The following PCDHGA12 variants were observed in gnomAD, a reference collection of about 807,000 sequenced individuals.
PCDHGA12 encodes the protein protocadherin gamma subfamily A, 12.
In PCDHGA12, 43 loss-of-function variants were observed where a neutral mutation model predicts 61.1. The ratio of observed to expected loss-of-function variants is 0.70; its 90% CI spans 0.55 to 0.91. The LOEUF (loss-of-function observed/expected upper bound fraction) is 0.91, where lower values mean the gene tolerates loss of function less well. Among genes scored for constraint, PCDHGA12 ranks in the 40% least tolerant of loss-of-function variants. PCDHGA12 has a pLI of 0.00. For missense variants in PCDHGA12, 1,236 were observed against 1,227.7 expected (o/e 1.01, Z -0.10); for synonymous variants, 520 against 542.9 (o/e 0.96, Z 0.59).
intron 1 of PCDHGA12, among the ~76,000 whole-genome samples, chr5:141,456,288 G>A (rs371687260): frequency 1.4e-3 from 217 of 152,226 alleles, no homozygotes; most frequent in Middle Eastern, 6.8e-3. Context: ...GAAAAGGGGC[G>A]TCTAATGGAG....
intron 1 of PCDHGA12, among the ~76,000 whole-genome samples, chr5:141,483,767 T>C (rs2099586826): frequency 6.6e-6 from 1 of 151,840 alleles, no homozygotes; most frequent in Non-Finnish European, 1.5e-5. Flanking sequence ...CTTGGAAAAA[T>C]ATTGGGGAAG....
In PCDHGA12 at chr5:141,511,032, G is replaced by A; in HGVS notation, c.2658G>A (p.Gln886=). 1.2e-6 allele frequency: 2 copies of A among 1,614,228 alleles called. No homozygotes were observed. The highest frequency in any genetic ancestry group is 2.2e-5 in the East Asian group (1 of 44,888). The change falls in exon 4 of 4, where the codon CAG becomes CAA. Residue 886 remains glutamine, a synonymous_variant. Transcript: ENST00000252085. Reference sequence around the variant, plus strand: ...GCTACGGACCCCAGTTCACCCTGCAGCACGTGCCCGACTACCGCCAGAATG... The same window carrying A: ...GCTACGGACCCCAGTTCACCCTGCAACACGTGCCCGACTACCGCCAGAATG... ...SARYGPQFTL[Q]HVPDYRQNVY...
At chr5:141,496,948 G>A (rs2099772844) in intron 2 of PCDHGA12, among the ~76,000 whole-genome samples, 1 of 151,826 alleles carries the variant, frequency 6.6e-6, no homozygotes, top group Admixed American at 6.6e-5. Context: ...CACTTTGGGA[G>A]GCCAAGGTGG....
intron 2 of PCDHGA12, among the ~76,000 whole-genome samples, chr5:141,496,839 AG>A (rs2099771805): frequency 1.3e-5 from 2 of 151,484 alleles, no homozygotes; most frequent in African/African-American, 4.9e-5. Context: ...CAGAACTCAT[AG>A]GCTTCCAGAC....
chr5:141,477,890 C>A lies in PCDHGA12; in HGVS notation c.2425-16917C>A, dbSNP rs202114426. On this transcript the variant is annotated intron_variant, in intron 1 of 3. Transcript: ENST00000252085. This position sits in a 1 kb window ranked among gnomAD's most constrained non-coding sequence, Gnocchi z 4.9. ...TACCTCAGCTGGCCACCTAGTGTCA[C>A]GGGTGGTAGGCTGGGACGCGGATGC... is the stretch of plus-strand genomic sequence containing the variant. 3.1e-6 allele frequency: 5 copies of A among 1,614,204 alleles called. 1 individual carries two copies. In the Admixed American group the frequency reaches 8.3e-5, roughly 27 times the overall value.
chr5:141,489,080 C>CCCA lies in PCDHGA12; in HGVS notation c.2425-5727_2425-5726insCCA. On this transcript the variant is annotated intron_variant, in intron 1 of 3. Coordinates refer to ENST00000252085, the MANE Select transcript of PCDHGA12 (RefSeq NM_003735.3). This position sits in a 1 kb window ranked among gnomAD's most constrained non-coding sequence, Gnocchi z 4.5. ...TCCCCTCCCCCCTGCCCACCCCCGC[C>CCCA]ACTCGGTGACTAAGAACTGCTGCAA... 3.0e-6 allele frequency: 1 copy of CCCA among 336,172 alleles called. No individual in the cohort carries two copies. The highest frequency in any genetic ancestry group is 5.5e-5 in the East Asian group (1 of 18,342). 20.8% of individuals were successfully genotyped at this position (336,172 alleles called of 1,614,324 possible).
intron 3 of PCDHGA12, 31 bp downstream of exon 3, chr5:141,505,512 T>C (rs754223095): frequency 6.2e-7 from 1 of 1,613,676 alleles, no homozygotes; most frequent in South Asian, 1.1e-5. Context: ...TATGGAAGAG[T>C]GGGAGACCTG....
chr5:141,476,864 C>T lies in PCDHGA12; in HGVS notation c.2425-17943C>T, dbSNP rs1318457627. ...GCCTGTCTTCAACCAGTCCTTGTAC[C>T]GGGCGCGCGTCCTGGAGGATGCACC... is the stretch of plus-strand genomic sequence containing the variant. On this transcript the variant is annotated intron_variant, in intron 1 of 3. Coordinates refer to ENST00000252085, the MANE Select transcript of PCDHGA12 (RefSeq NM_003735.3). This position sits in a 1 kb window ranked among gnomAD's most constrained non-coding sequence, Gnocchi z 7.6. 4.3e-6 allele frequency: 7 copies of T among 1,613,838 alleles called. No homozygotes were observed. Among genetic ancestry groups the T allele is most frequent in the Non-Finnish European group, 5.9e-6 (7 of 1,180,044 alleles).
At chr5:141,442,006 G>T (rs540427406) in intron 1 of PCDHGA12, 2 of 229,074 alleles carry the variant, frequency 8.7e-6, no homozygotes, top group South Asian at 4.9e-5. Flanking sequence ...CTGACAGCTC[G>T]CACGATGGGC....
intron 1 of PCDHGA12, among the ~76,000 whole-genome samples, chr5:141,435,885 C>T (rs2097784639): frequency 6.6e-6 from 1 of 152,088 alleles, no homozygotes; most frequent in Non-Finnish European, 1.5e-5. Context: ...TTGGAAACCC[C>T]TTAGAGAATG....
At position 141,492,138 on chromosome 5, in the gene PCDHGA12, T is replaced by C. The variant is rs577884713; in HGVS notation, c.2425-2669T>C. ...ATTTCTCCCCAGCTCCCAGCATCTG[T>C]GACTTCACTGTTACCCTCCCTATCC... On this transcript the variant is annotated intron_variant, in intron 1 of 3. Coordinates refer to ENST00000252085, the MANE Select transcript of PCDHGA12 (RefSeq NM_003735.3). 2.4e-3 allele frequency among the ~76,000 whole-genome samples: 366 copies of C among 152,312 alleles called. 1 individual carries two copies. Among genetic ancestry groups the C allele is most frequent in the Non-Finnish European group, 3.5e-3 (238 of 68,014 alleles).
intron 1 of PCDHGA12, chr5:141,478,333 G>T: frequency 6.2e-7 from 1 of 1,613,928 alleles, no homozygotes; most frequent in Non-Finnish European, 8.5e-7. Context: ...GAACACCAGG[G>T]CCCTCCTTGC....
rs369940443 is a variant in PCDHGA12, at chr5:141,477,841, C to G, written c.2425-16966C>G. 6.2e-7 allele frequency: 1 copy of G among 1,613,308 alleles called. No individual in the cohort carries two copies. The highest frequency in any genetic ancestry group is 1.3e-5 in the African/African-American group (1 of 74,700). On this transcript the variant is annotated intron_variant, in intron 1 of 3. Coordinates refer to ENST00000252085, the MANE Select transcript of PCDHGA12 (RefSeq NM_003735.3). The surrounding 1 kb of genome is among the most constrained non-coding windows in gnomAD (Gnocchi z 4.9). ...TCCTATATCCTCGGCCAGGTGGGAG[C>G]TCGGTGGAGATGCTGCCTCGAGGTA...
intron 1 of PCDHGA12, among the ~76,000 whole-genome samples, chr5:141,437,431 A>G (rs1282194918): frequency 6.6e-6 from 1 of 152,234 alleles, no homozygotes; most frequent in African/African-American, 2.4e-5. Flanking sequence ...TGAAGCAGCA[A>G]TAGCATAGGA....
intron 1 of PCDHGA12, among the ~76,000 whole-genome samples, chr5:141,492,876 G>A (rs2099744774): frequency 6.6e-6 from 1 of 152,184 alleles, no homozygotes; most frequent in African/African-American, 2.4e-5. Context: ...TCAACCCCCA[G>A]AGATACAGGC....
chr5:141,439,487 G>A lies in PCDHGA12; in HGVS notation c.2424+6304G>A, dbSNP rs11952418. 8.3e-3 allele frequency among the ~76,000 whole-genome samples: 1,269 copies of A among 152,266 alleles called. 16 individuals are homozygous for A. Among genetic ancestry groups the A allele is most frequent in the African/African-American group, 0.029 (1,205 of 41,540 alleles). Reference sequence around the variant, plus strand: ...GCTGCCTTTCAGCTTGCAAATTCCAGTGAGAAACGTCTTTCTCTCTGCTCT... The same window carrying A: ...GCTGCCTTTCAGCTTGCAAATTCCAATGAGAAACGTCTTTCTCTCTGCTCT... On this transcript the variant is annotated intron_variant, in intron 1 of 3. Coordinates refer to ENST00000252085, the MANE Select transcript of PCDHGA12 (RefSeq NM_003735.3).
At chr5:141,478,345 C>T (rs755421316) in intron 1 of PCDHGA12, 3 of 1,613,850 alleles carry the variant, frequency 1.9e-6, no homozygotes, top group East Asian at 4.5e-5. Context: ...CCTCCTTGCA[C>T]GCGGACGCCG....
At chr5:141,455,389 G>C (rs1190144149) in intron 1 of PCDHGA12, among the ~76,000 whole-genome samples, 1 of 152,114 alleles carries the variant, frequency 6.6e-6, no homozygotes, top group Non-Finnish European at 1.5e-5. Flanking sequence ...GAAGGAAGGA[G>C]CTCCCCCTTA....
At chr5:141,469,804 T>C (rs1433459377) in intron 1 of PCDHGA12, among the ~76,000 whole-genome samples, 1 of 152,060 alleles carries the variant, frequency 6.6e-6, no homozygotes, top group Non-Finnish European at 1.5e-5. Context: ...TGCAAAAACA[T>C]TGTAGATAGA....
Sources: allele counts gnomAD v4.1 joint callset (sites outside exome capture counted in the v4.1 genomes callset), GRCh38; gene constraint gnomAD v4.1.1; non-coding constraint Gnocchi (gnomAD v3.1); transcripts MANE v1.5; gene names NCBI Gene and HGNC (gene_info 2026-07-23, HGNC 2026-07-21).